Variants in SND1 observed in about 807,000 individuals in gnomAD.
SND1 encodes the protein staphylococcal nuclease domain-containing protein 1.
SND1 carries 38 observed loss-of-function variants against 121.7 expected under a neutral mutation model. The observed-to-expected ratio is 0.31, with a 90% confidence interval of 0.24 to 0.41. SND1 has a LOEUF of 0.41. Among genes scored for constraint, SND1 ranks in the 10% least tolerant of loss-of-function variants. The probability of loss-of-function intolerance (pLI) is 1.00; values close to 1 mark genes in which losing one functional copy is unlikely to be tolerated. For synonymous variants in SND1, 401 were observed against 447.4 expected, an observed-to-expected ratio of 0.90 and a Z score of 1.31; for missense variants, 868 against 1,184.6, an observed-to-expected ratio of 0.73 and a Z score of 3.92.
rs115059406 is a variant in SND1 at position 127,871,784 on chromosome 7, A to C, written c.1344-16118A>C. Among the ~76,000 whole-genome samples the C allele has an allele frequency of 8.0e-3, 1,211 of 152,274 alleles. 12 individuals carry two copies. Among genetic ancestry groups the C allele is most frequent in the African/African-American group, 0.025 (1,029 of 41,568 alleles). On this transcript the variant is annotated intron_variant, in intron 12 of 23. Transcript: ENST00000354725. Reference sequence around the variant, plus strand: ...TATAAAGATATGGATAGAAGTGTGAATCTACATTGAACATGCACTACGTGA... The same window carrying C: ...TATAAAGATATGGATAGAAGTGTGACTCTACATTGAACATGCACTACGTGA...
chr7:127,848,991 T>G (rs1207314903), intron 12 of SND1, among the ~76,000 whole-genome samples: 1 of 152,204 alleles, frequency 6.6e-6, no homozygotes, highest in African/African-American at 2.4e-5. Flanking sequence ...ATTAAAATTT[T>G]TTTCTTGATT....
chr7:127,791,790 G>C (rs1563014835), intron 10 of SND1, among the ~76,000 whole-genome samples: 5 of 152,056 alleles, frequency 3.3e-5, no homozygotes, highest in Admixed American at 2.0e-4. Flanking sequence ...ACATTTTGCT[G>C]GTATTTTGGG....
At chr7:128,027,824 C>T (rs770621771) in intron 16 of SND1, 1 of 152,120 alleles carries the variant, frequency 6.6e-6, no homozygotes, top group Non-Finnish European at 1.5e-5. Context: ...TGCTGCCGCA[C>T]CCCTTCAGGG....
chr7:127,857,183 CTT>C (rs71522259), intron 12 of SND1, among the ~76,000 whole-genome samples: 2 of 67,944 alleles, frequency 2.9e-5, no homozygotes, highest in African/African-American at 1.1e-4. Flanking sequence ...AATGTCAACA[CTT>C]TTTTTTTTTT....
Position 127,993,814 on chromosome 7 carries a change from T to C in SND1, c.1779+2758T>C, listed in dbSNP as rs73455749. 4.2e-3 allele frequency among the ~76,000 whole-genome samples: 637 copies of C among 152,300 alleles called. 5 individuals carry two copies. Among genetic ancestry groups the C allele is most frequent in the African/African-American group, 0.013 (561 of 41,556 alleles). The stretch of plus-strand genomic sequence containing the variant: ...TCCTAGGAAAGATGAAGCCCACAGA[T>C]TGTACGATTTCAGAGTACTTCCTGG... On this transcript the variant is annotated intron_variant, in intron 16 of 23. Transcript: ENST00000354725.
chr7:127,929,138 C>T (rs764563209), intron 14 of SND1, 50 bp from the exon 15 acceptor site: 5 of 1,588,764 alleles, frequency 3.1e-6, no homozygotes, highest in African/African-American at 2.7e-5. Flanking sequence ...AAGAAAGAAA[C>T]GTTGGGTTTT....
intron 10 of SND1, among the ~76,000 whole-genome samples, chr7:127,768,677 G>A (rs1291132348): frequency 6.6e-6 from 1 of 152,218 alleles, no homozygotes; most frequent in East Asian, 1.9e-4. Flanking sequence ...TAGCAGAGTT[G>A]TGGTTTTTAT....
At chr7:127,842,312 C>G (rs1167912941) in intron 11 of SND1, among the ~76,000 whole-genome samples, 1 of 152,068 alleles carries the variant, frequency 6.6e-6, no homozygotes, top group Non-Finnish European at 1.5e-5. Flanking sequence ...TGGTTTTGAC[C>G]CAAACCAAGC....
At chr7:127,730,582 G>C (rs550784371) in intron 10 of SND1, among the ~76,000 whole-genome samples, 1 of 152,358 alleles carries the variant, frequency 6.6e-6, no homozygotes, top group East Asian at 1.9e-4. Flanking sequence ...TACCTCTGCT[G>C]TCCTGCTGGT....
chr7:127,922,199 T>TTTTGTTTTTTTTTG (rs1563059028), intron 14 of SND1, among the ~76,000 whole-genome samples: 2 of 93,500 alleles, frequency 2.1e-5, no homozygotes, highest in African/African-American at 8.6e-5. Flanking sequence ...TTTTTTTTTT[T>TTTTGTTTTTTTTTG]TTTTGTTTTG....
chr7:127,810,293 C>T (rs1452936563), intron 11 of SND1, among the ~76,000 whole-genome samples: 1 of 152,064 alleles, frequency 6.6e-6, no homozygotes, highest in African/African-American at 2.4e-5. Flanking sequence ...TGAGTATGTG[C>T]TGGTGCTAAA....
At chr7:127,826,821 G>A (rs538349118) in intron 11 of SND1, among the ~76,000 whole-genome samples, 11 of 152,322 alleles carry the variant, frequency 7.2e-5, no homozygotes, top group African/African-American at 2.6e-4. Flanking sequence ...AGAGTGGATA[G>A]TTTTGGAGAG....
At chr7:127,933,582 A>C (rs1046797517) in intron 15 of SND1, among the ~76,000 whole-genome samples, 1 of 152,234 alleles carries the variant, frequency 6.6e-6, no homozygotes. Context: ...TTACACATCA[A>C]TTATAACTGG....
In SND1 at chr7:127,706,244, G is replaced by GCC. The variant is rs1475346459; in HGVS notation, c.947+1305_947+1306dup. Among the ~76,000 whole-genome samples, 242 of 43,896 alleles carry GCC rather than the reference G, an allele frequency of 5.5e-3. 1 individual carries two copies. The highest frequency in any genetic ancestry group is 7.0e-3 in the Non-Finnish European group (166 of 23,814). 28.8% of individuals were successfully genotyped at this position (43,896 alleles called of 152,430 possible). A position where few individuals can be genotyped will look rare whatever the true frequency, so the allele number is the denominator to read the frequency against. On this transcript the variant is annotated intron_variant, in intron 8 of 23. Coordinates refer to ENST00000354725, the MANE Select transcript of SND1 (RefSeq NM_014390.4). ...TTTTTTTTGCATTCTTTAATTTCTT[G>GCC]CCCCCCCTCCCCCCCCCCACCTTTT... is the stretch of plus-strand genomic sequence containing the variant.
At chr7:127,739,042 A>C (rs1273116337) in intron 10 of SND1, among the ~76,000 whole-genome samples, 1 of 152,204 alleles carries the variant, frequency 6.6e-6, no homozygotes, top group Non-Finnish European at 1.5e-5. Context: ...GCTTGGAGCG[A>C]CATTGGCTCC....
intron 12 of SND1, among the ~76,000 whole-genome samples, chr7:127,873,459 T>A (rs1348233005): frequency 6.6e-6 from 1 of 152,100 alleles, no homozygotes; most frequent in Non-Finnish European, 1.5e-5. Flanking sequence ...AATTGGGTAA[T>A]ACAGGGCAAG....
chr7:128,086,680 G>T, intron 20 of SND1: 1 of 564,240 alleles, frequency 1.8e-6, no homozygotes, highest in Non-Finnish European at 3.2e-6. Context: ...TACTGCGATT[G>T]TTTTCATGGG....
chr7:128,025,696 T>TA (rs1293108492), intron 16 of SND1, among the ~76,000 whole-genome samples: 3 of 152,158 alleles, frequency 2.0e-5, no homozygotes, highest in African/African-American at 7.2e-5. Flanking sequence ...AAAGGAAGGT[T>TA]ACTGCTGTAA....
chr7:127,991,954 G>C (rs1802533906), intron 16 of SND1, among the ~76,000 whole-genome samples: 1 of 152,214 alleles, frequency 6.6e-6, no homozygotes, highest in African/African-American at 2.4e-5. Context: ...GCCACTCCGA[G>C]ATGCTTATGT....
Sources: gnomAD v4.1 joint callset for allele counts (sites outside exome capture counted in the v4.1 genomes callset) on GRCh38, gnomAD v4.1.1 for gene constraint, MANE v1.5 for transcripts, NCBI Gene and HGNC (gene_info 2026-07-23, HGNC 2026-07-21) for gene names.